Variants in CCDC195 observed in about 807,000 individuals in gnomAD.
The protein encoded by CCDC195 is coiled-coil domain containing 195, also known as coiled-coil domain-containing protein 195.
intron 1 of CCDC195, among the ~76,000 whole-genome samples, chr2:224,713,244 A>G (rs1404699765): frequency 6.6e-6 from 1 of 152,224 alleles, no homozygotes; most frequent in African/African-American, 2.4e-5. Flanking sequence ...GTTGGCAATT[A>G]CTATTAAAAC....
intron 1 of CCDC195, among the ~76,000 whole-genome samples, chr2:224,710,606 C>T (rs1450222303): frequency 2.0e-5 from 3 of 152,182 alleles, no homozygotes; most frequent in Non-Finnish European, 4.4e-5. Context: ...CCACTGCACT[C>T]CAGCCTGGGT....
intron 1 of CCDC195, among the ~76,000 whole-genome samples, chr2:224,711,172 T>A (rs1481492530): frequency 1.3e-5 from 2 of 152,094 alleles, no homozygotes; most frequent in Admixed American, 1.3e-4. Flanking sequence ...TAAGAGGATG[T>A]CTATTGAGTG....
intron 1 of CCDC195, among the ~76,000 whole-genome samples, chr2:224,714,721 A>G (rs1488603960): frequency 6.6e-6 from 1 of 151,998 alleles, no homozygotes; most frequent in Non-Finnish European, 1.5e-5. Context: ...CTAACCTCCT[A>G]TAGGTTACTC....
chr2:224,707,602 C>T (rs1409633016), intron 2 of CCDC195, among the ~76,000 whole-genome samples: 1 of 152,220 alleles, frequency 6.6e-6, no homozygotes, highest in Non-Finnish European at 1.5e-5. Context: ...CACCGTCTAA[C>T]ATAATATACA....
At chr2:224,705,307 A>G (rs1697228666) in intron 2 of CCDC195, among the ~76,000 whole-genome samples, 3 of 152,236 alleles carry the variant, frequency 2.0e-5, no homozygotes, top group Admixed American at 6.5e-5. Context: ...AACTGTTTAT[A>G]TGGGCCCTTG....
intron 2 of CCDC195, among the ~76,000 whole-genome samples, chr2:224,706,920 C>G (rs1026386614): frequency 6.8e-6 from 1 of 147,166 alleles, no homozygotes; most frequent in African/African-American, 2.5e-5. Context: ...CACACGCGCA[C>G]TTTTTTTTTT....
chr2:224,711,914 C>T, intron 1 of CCDC195, among the ~76,000 whole-genome samples: 1 of 152,024 alleles, frequency 6.6e-6, no homozygotes, highest in East Asian at 1.9e-4. Flanking sequence ...TTAAATGCTC[C>T]CCTTGGTCAT....
chr2:224,709,653 GA>G (rs2124850807), intron 2 of CCDC195, among the ~76,000 whole-genome samples: 1 of 152,290 alleles, frequency 6.6e-6, no homozygotes, highest in South Asian at 2.1e-4. Context: ...GTCACTTAAT[GA>G]GAGTTTTGAA....
chr2:224,708,979 G>C lies in CCDC195; in HGVS notation c.482+994C>G, dbSNP rs10181682. On this transcript the variant is annotated intron_variant, in intron 2 of 2. Transcript: ENST00000638102. ...ACAGTTGTGCAGATAAATTAGGCTT[G>C]ATGTTAGAGGACTTGACTCTACCAC... 8.4e-3 allele frequency among the ~76,000 whole-genome samples: 1,274 copies of C among 151,982 alleles called. 13 individuals are homozygous for C. The highest frequency in any genetic ancestry group is 0.029 in the African/African-American group (1,202 of 41,454).
chr2:224,714,689 T>C (rs1473274146), intron 1 of CCDC195, among the ~76,000 whole-genome samples: 1 of 152,178 alleles, frequency 6.6e-6, no homozygotes, highest in Non-Finnish European at 1.5e-5. Context: ...CACATCCTTT[T>C]TTTTTTCCAG....
chr2:224,715,761 C>G (rs1410703242), intron 1 of CCDC195, among the ~76,000 whole-genome samples: 1 of 151,986 alleles, frequency 6.6e-6, no homozygotes, highest in African/African-American at 2.4e-5. Context: ...CAGTACTGTT[C>G]CAGCCTTATA....
intron 1 of CCDC195, among the ~76,000 whole-genome samples, chr2:224,714,815 A>G (rs1368593066): frequency 6.6e-6 from 1 of 152,194 alleles, no homozygotes; most frequent in South Asian, 2.1e-4. Context: ...CTGGATTGGA[A>G]TCTGTTTTCA....
At chr2:224,706,236 C>A (rs180936715) in intron 2 of CCDC195, among the ~76,000 whole-genome samples, 4 of 77,678 alleles carry the variant, frequency 5.1e-5, no homozygotes, top group African/African-American at 2.2e-4. Flanking sequence ...GACAGAGTCT[C>A]ACTCTGTCAC....
chr2:224,711,047 T>A (rs1689313656), intron 1 of CCDC195, among the ~76,000 whole-genome samples: 1 of 152,214 alleles, frequency 6.6e-6, no homozygotes, highest in South Asian at 2.1e-4. Flanking sequence ...TACTCCTGAT[T>A]CTAGAAGAAC....
At chr2:224,713,130 G>A (rs1689334246) in intron 1 of CCDC195, among the ~76,000 whole-genome samples, 1 of 152,160 alleles carries the variant, frequency 6.6e-6, no homozygotes, top group Non-Finnish European at 1.5e-5. Flanking sequence ...GCCTCCCAAA[G>A]TGCTGAGATT....
At chr2:224,711,285 C>T (rs1421162872) in intron 1 of CCDC195, among the ~76,000 whole-genome samples, 2 of 151,522 alleles carry the variant, frequency 1.3e-5, no homozygotes, top group Non-Finnish European at 2.9e-5. Flanking sequence ...CTTTAGTTTC[C>T]AGGGACTTCC....
At chr2:224,712,589 C>T (rs1187882539) in intron 1 of CCDC195, among the ~76,000 whole-genome samples, 1 of 152,184 alleles carries the variant, frequency 6.6e-6, no homozygotes, top group African/African-American at 2.4e-5. Context: ...CACAGAGAGC[C>T]TCACTTTATC....
At chr2:224,704,505 T>G (rs1697213959) in intron 2 of CCDC195, among the ~76,000 whole-genome samples, 1 of 152,186 alleles carries the variant, frequency 6.6e-6, no homozygotes, top group Non-Finnish European at 1.5e-5. Flanking sequence ...TTTGTTCTCT[T>G]TTGTGGGAAC....
At chr2:224,711,454 G>A (rs937222492) in intron 1 of CCDC195, among the ~76,000 whole-genome samples, 1 of 150,114 alleles carries the variant, frequency 6.7e-6, no homozygotes, top group African/African-American at 2.5e-5. Context: ...CTCTTACACT[G>A]CATTAACTCT....
Sources: allele counts gnomAD v4.1 joint callset (sites outside exome capture counted in the v4.1 genomes callset), GRCh38; gene constraint gnomAD v4.1.1; transcripts MANE v1.5; gene names NCBI Gene and HGNC (gene_info 2026-07-23, HGNC 2026-07-21).